BIK: variants seen among roughly 807,000 people sequenced by gnomAD.
The protein encoded by BIK is BCL2 interacting killer, also known as bcl-2-interacting killer.
Under a neutral mutation model 12.1 loss-of-function variants are expected in BIK, and 14 were observed. That is an observed-to-expected ratio of 1.16 (90% confidence interval 0.77 to 1.81). The LOEUF (loss-of-function observed/expected upper bound fraction) is 1.81, where lower values mean the gene tolerates loss of function less well. Ranked by LOEUF, BIK falls within the 40% of genes most tolerant of loss-of-function variation. BIK has a pLI of 0.00. For missense variants in BIK, 215 were observed against 207.9 expected (o/e 1.03, Z -0.21); for synonymous variants, 86 against 92.3 (o/e 0.93, Z 0.39).
chr22:43,112,712 T>G (rs2147016070), intron 1 of BIK, among the ~76,000 whole-genome samples: 1 of 149,904 alleles, frequency 6.7e-6, no homozygotes, highest in Non-Finnish European at 1.5e-5. Flanking sequence ...TAGACCAGAC[T>G]GGGTAACATG....
intron 1 of BIK, among the ~76,000 whole-genome samples, chr22:43,114,543 C>T (rs917161056): frequency 1.4e-4 from 22 of 152,128 alleles, no homozygotes; most frequent in African/African-American, 4.6e-4. Flanking sequence ...CCTTGTGATC[C>T]GCCCGCCTCA....
chr22:43,129,326 G>C lies in BIK; in HGVS notation c.*21G>C, dbSNP rs150958238. 1.3e-5 allele frequency: 21 copies of C among 1,594,196 alleles called. 1 individual carries two copies. Among genetic ancestry groups the C allele is most frequent in the Non-Finnish European group, 1.8e-5 (21 of 1,177,302 alleles). On this transcript the variant is annotated 3_prime_UTR_variant, in exon 5 of 5. Transcript: ENST00000216115. ...AGTGAGGCCCCGGCGGCTCAGGGCG[G>C]GGCTGGCCCCACCCCCATGACCACT...
chr22:43,124,592 C>G (rs927322604), intron 2 of BIK, among the ~76,000 whole-genome samples: 3 of 152,228 alleles, frequency 2.0e-5, no homozygotes, highest in Non-Finnish European at 2.9e-5. Context: ...TCTTAGATCT[C>G]AAGCAAGAAA....
intron 2 of BIK, 87 bp from the exon 3 acceptor site, chr22:43,127,610 T>C: frequency 8.1e-7 from 1 of 1,238,330 alleles, no homozygotes. Context: ...CACTCCCAGC[T>C]GCACACAATC....
At chr22:43,128,757 A>T (rs1225844232) in intron 4 of BIK, 132 bp downstream of exon 4, 4 of 1,323,852 alleles carry the variant, frequency 3.0e-6, no homozygotes, top group East Asian at 4.7e-5. Flanking sequence ...CATCTGCCTG[A>T]TCCCATGGGC....
chr22:43,122,197 G>A (rs1326980470), intron 1 of BIK, among the ~76,000 whole-genome samples: 1 of 152,200 alleles, frequency 6.6e-6, no homozygotes, highest in Non-Finnish European at 1.5e-5. Context: ...ACCTCTCTAA[G>A]CCTCAGTGTC....
In BIK at chr22:43,128,547, T is replaced by C. The variant is rs773300880; in HGVS notation, c.312T>C (p.Leu104=). 42 of 1,613,758 alleles carry C rather than the reference T, an allele frequency of 2.6e-5. No homozygotes were observed. The highest frequency in any genetic ancestry group is 3.3e-5 in the Admixed American group (2 of 60,002). ...AGACTGAGGACATCAGGGATGTTCT[T>C]AGAAGTTTCATGGACGGTTTCACCA... The part of the protein sequence containing the change: ...YDQTEDIRDV[L]RSFMDGFTTL... Residue 104 remains leucine (L), a synonymous_variant, in exon 4 of 5, where the codon CTT becomes CTC. Coordinates refer to ENST00000216115, the MANE Select transcript of BIK (RefSeq NM_001197.5).
At chr22:43,124,365 C>T (rs575227672) in intron 2 of BIK, among the ~76,000 whole-genome samples, 182 bp downstream of exon 2, 1 of 152,258 alleles carries the variant, frequency 6.6e-6, no homozygotes, top group East Asian at 1.9e-4. Context: ...CACTTTGCTG[C>T]CCCACCCTCC....
At chr22:43,115,483 A>G (rs1042943489) in intron 1 of BIK, among the ~76,000 whole-genome samples, 7 of 151,540 alleles carry the variant, frequency 4.6e-5, no homozygotes, top group African/African-American at 1.7e-4. Flanking sequence ...TTTTTTTGAG[A>G]TGGAGCCTTA....
intron 3 of BIK, 151 bp from the exon 4 acceptor site, chr22:43,128,345 G>A: frequency 2.1e-6 from 2 of 939,706 alleles, no homozygotes; most frequent in Non-Finnish European, 3.3e-6. Context: ...CCCTGCAGGT[G>A]GAGGCGCCCA....
chr22:43,125,608 T>C (rs1374075375), intron 2 of BIK, among the ~76,000 whole-genome samples: 1 of 150,484 alleles, frequency 6.6e-6, no homozygotes, highest in African/African-American at 2.4e-5. Flanking sequence ...TAGTCCCAGC[T>C]ACTCAGGAGG....
Position 43,128,482 on chromosome 22 carries a change from C to G in BIK, c.261-14C>G, listed in dbSNP as rs201658039. On this transcript the variant is annotated splice_polypyrimidine_tract_variant and intron_variant, in intron 3 of 4. Coordinates refer to ENST00000216115, the MANE Select transcript of BIK (RefSeq NM_001197.5). ...GCAGTAATGGCTTTGTCCCCCCATC[C>G]TCTTTGTCTATAGCCTGGGTCTGGC... 5.2e-5 allele frequency: 13 copies of G among 250,162 alleles called. No individual in the cohort carries two copies. The South Asian group carries it at 6.1e-4, about 12-fold the overall frequency. 15.5% of individuals were successfully genotyped at this position (250,162 alleles called of 1,614,324 possible). A position where few individuals can be genotyped will look rare whatever the true frequency, so the allele number is the denominator to read the frequency against.
In BIK at chr22:43,120,010, A is replaced by AAT. The variant is rs544638185; in HGVS notation, c.-7-4004_-7-4003dup. 2.0e-5 allele frequency among the ~76,000 whole-genome samples: 3 copies of AAT among 151,346 alleles called. No homozygotes were observed. In the South Asian group the frequency reaches 6.3e-4, roughly 32 times the overall value. ...AAAATTTAATTTTTAAAAAAGGACC[A>AAT]ATAGGCGTAGGCATGGGCCGGTCTG... On this transcript the variant is annotated intron_variant, in intron 1 of 4. Transcript: ENST00000216115.
At chr22:43,125,061 T>C (rs1172812944) in intron 2 of BIK, among the ~76,000 whole-genome samples, 2 of 152,118 alleles carry the variant, frequency 1.3e-5, no homozygotes, top group East Asian at 1.9e-4. Context: ...TTTTAGACAA[T>C]ATAGGGCAAC....
At position 43,129,243 on chromosome 22, in the gene BIK, C is replaced by G. The variant is rs772701491; in HGVS notation, c.421C>G (p.Leu141Val). The G allele has an allele frequency of 6.3e-7, 1 of 1,584,020 alleles. No homozygotes were observed. Among genetic ancestry groups the G allele is most frequent in the East Asian group, 2.2e-5 (1 of 44,692 alleles). Reference protein sequence around the residue: ...VSCEQVLLALLLLLALLLPLL... With the variant: ...VSCEQVLLALVLLLALLLPLL... The stretch of plus-strand genomic sequence containing the variant: ...CTGCGAACAGGTGCTGCTGGCGCTG[C>G]TGCTGCTGCTGGCGCTGCTGCTGCC... Residue 141 changes from leucine to valine, a missense_variant, in exon 5 of 5, where the codon CTG (leucine) becomes GTG (valine). By Grantham distance (32) the Leu-to-Val change is conservative. Coordinates refer to ENST00000216115, the MANE Select transcript of BIK (RefSeq NM_001197.5).
chr22:43,118,857 G>C (rs1930167592), intron 1 of BIK, among the ~76,000 whole-genome samples: 1 of 152,028 alleles, frequency 6.6e-6, no homozygotes, highest in Non-Finnish European at 1.5e-5. Flanking sequence ...ACCCCGCTCT[G>C]ACACTCCTGC....
intron 3 of BIK, 123 bp from the exon 4 acceptor site, chr22:43,128,373 G>A (rs976535332): frequency 8.0e-7 from 1 of 1,255,708 alleles, no homozygotes; most frequent in Non-Finnish European, 1.1e-6. Context: ...GGCCCCGGGT[G>A]GCTGTGGGGT....
intron 1 of BIK, among the ~76,000 whole-genome samples, chr22:43,113,539 A>G (rs1930051203): frequency 1.3e-5 from 2 of 150,896 alleles, no homozygotes; most frequent in Non-Finnish European, 3.0e-5. Context: ...CTAACGTGAG[A>G]CTCCATCTCA....
chr22:43,127,615 A>G, intron 2 of BIK, 82 bp from the exon 3 acceptor site: 1 of 1,298,972 alleles, frequency 7.7e-7, no homozygotes, highest in South Asian at 1.3e-5. Flanking sequence ...CCAGCTGCAC[A>G]CAATCCGTTG....
Sources: gnomAD v4.1 joint callset for allele counts (sites outside exome capture counted in the v4.1 genomes callset) on GRCh38, gnomAD v4.1.1 for gene constraint, MANE v1.5 for transcripts, NCBI Gene and HGNC (gene_info 2026-07-23, HGNC 2026-07-21) for gene names.